CSPP1: variants seen among roughly 807,000 people sequenced by gnomAD.
CSPP1 encodes centrosome and spindle pole associated protein 1, also known as centrosome and spindle pole-associated protein 1.
A neutral mutation model predicts 164.4 loss-of-function variants in CSPP1; 126 were observed. The ratio of observed to expected loss-of-function variants is 0.77; its 90% CI spans 0.66 to 0.89. CSPP1 has a LOEUF of 0.89. Among genes scored for constraint, CSPP1 ranks in the 40% least tolerant of loss-of-function variants. The pLI, the probability that CSPP1 is intolerant of heterozygous loss-of-function variation, is 0.00. For missense variants in CSPP1, 1,395 were observed against 1,449.8 expected, an observed-to-expected ratio of 0.96 and a Z score of 0.61; for synonymous variants, 472 against 476.7, an observed-to-expected ratio of 0.99 and a Z score of 0.13.
intron 1 of CSPP1, among the ~76,000 whole-genome samples, chr8:67,071,431 CTGT>C (rs967845082): frequency 1.1e-4 from 17 of 151,336 alleles, no homozygotes; most frequent in African/African-American, 4.1e-4. Flanking sequence ...TGAACATTGG[CTGT>C]TGTTTAGTTC....
At chr8:67,114,058 C>T (rs1817437844) in intron 11 of CSPP1, 196 bp downstream of exon 11, 2 of 425,908 alleles carry the variant, frequency 4.7e-6, no homozygotes, top group African/African-American at 4.1e-5. Context: ...TTTCCTTTTT[C>T]ATTTGTGTGT....
At chr8:67,131,519 C>T (rs914359828) in intron 15 of CSPP1, among the ~76,000 whole-genome samples, 1 of 152,040 alleles carries the variant, frequency 6.6e-6, no homozygotes, top group African/African-American at 2.4e-5. Context: ...CAGACTTTTT[C>T]CTGTAATTAC....
intron 4 of CSPP1, among the ~76,000 whole-genome samples, chr8:67,088,478 C>T (rs1342870606): frequency 6.6e-6 from 1 of 151,478 alleles, no homozygotes; most frequent in Non-Finnish European, 1.5e-5. Context: ...TTAGTAGAGA[C>T]GGGGTTTCAC....
chr8:67,149,557 C>T (rs1825284185), intron 17 of CSPP1, among the ~76,000 whole-genome samples: 1 of 152,036 alleles, frequency 6.6e-6, no homozygotes, highest in African/African-American at 2.4e-5. Context: ...ATTTATGTGT[C>T]CTTAATTTAT....
intron 16 of CSPP1, among the ~76,000 whole-genome samples, chr8:67,136,282 A>G (rs577483936): frequency 1.3e-4 from 20 of 152,232 alleles, no homozygotes; most frequent in African/African-American, 4.8e-4. Context: ...AAAAAATGCA[A>G]TATCTGTGGC....
chr8:67,119,318 T>G (rs1818542239), intron 15 of CSPP1, among the ~76,000 whole-genome samples: 1 of 152,220 alleles, frequency 6.6e-6, no homozygotes, highest in Non-Finnish European at 1.5e-5. Context: ...CTTCCACATT[T>G]TGGCTATTTG....
Position 67,184,742 on chromosome 8 carries a change from A to T in CSPP1, c.3220+4816A>T, listed in dbSNP as rs964286928. On this transcript the variant is annotated intron_variant, in intron 28 of 30. Coordinates refer to ENST00000678616, the MANE Select transcript of CSPP1 (RefSeq NM_001382391.1). ...CTGTCTAAAAAAATAATAATAAAAA[A>T]ATATAATAATAATAATAATAATAAT... Among the ~76,000 whole-genome samples, 252 of 140,014 alleles carry T rather than the reference A, an allele frequency of 1.8e-3. 3 individuals are homozygous for T. Among genetic ancestry groups the T allele is most frequent in the African/African-American group, 6.8e-3 (244 of 35,814 alleles). 91.9% of individuals were successfully genotyped at this position (140,014 alleles called of 152,430 possible).
rs973767249 is a variant in CSPP1, at chr8:67,064,459, C to T, written c.-90C>T. ...TTCGGTCCGCGACGATCCTCTAGAG[C>T]ACTGTGTGTCTCCCCGGACGCGAGC... On this transcript the variant is annotated 5_prime_UTR_variant, in exon 1 of 31. Transcript: ENST00000678616. 5 of 1,613,980 alleles carry T rather than the reference C, an allele frequency of 3.1e-6. No homozygotes were observed. The highest frequency in any genetic ancestry group is 3.3e-4 in the Middle Eastern group (2 of 6,062).
At chr8:67,188,792 TTGTTCC>T (rs1835392394) in intron 28 of CSPP1, among the ~76,000 whole-genome samples, 1 of 152,198 alleles carries the variant, frequency 6.6e-6, no homozygotes, top group African/African-American at 2.4e-5. Flanking sequence ...AGGCTTGCCA[TTGTTCC>T]TGCACGGCTA....
chr8:67,142,728 G>T (rs1358511040), intron 17 of CSPP1, among the ~76,000 whole-genome samples: 5 of 152,172 alleles, frequency 3.3e-5, no homozygotes, highest in Non-Finnish European at 7.4e-5. Flanking sequence ...AACTTTGTAA[G>T]AAACTGCCAG....
intron 5 of CSPP1, among the ~76,000 whole-genome samples, chr8:67,092,824 A>G (rs1321781682): frequency 1.3e-5 from 2 of 152,330 alleles, no homozygotes; most frequent in South Asian, 2.1e-4. Flanking sequence ...TTTTTTAATC[A>G]TATATTTATG....
At position 67,115,917 on chromosome 8, in the gene CSPP1, G is replaced by A. The variant is rs773019719; in HGVS notation, c.1291G>A (p.Asp431Asn). The A allele has an allele frequency of 6.2e-6, 10 of 1,611,840 alleles. No individual in the cohort carries two copies. The highest frequency in any genetic ancestry group is 8.5e-6 in the Non-Finnish European group (10 of 1,178,202). The change falls in exon 13 of 31, where the codon GAT becomes AAT. Residue 431 changes from aspartate to asparagine, a missense_variant. By Grantham distance (23) the Asp-to-Asn change is conservative. Transcript: ENST00000678616. ...TSLQLSKEEP[D>N]RLKQFSVAPR... is the part of the protein sequence containing the mutation. The stretch of plus-strand genomic sequence containing the variant: ...AGATTTTTTTTCTTTATTTTAGCCT[G>A]ATAGACTAAAGCAGTTTAGTGTGGC...
chr8:67,162,160 G>A (rs746600086), intron 22 of CSPP1, among the ~76,000 whole-genome samples: 3 of 152,274 alleles, frequency 2.0e-5, no homozygotes, highest in Middle Eastern at 3.4e-3. Context: ...TGCTCATTGA[G>A]TCTGTTATAC....
chr8:67,164,799 A>C (rs984870163), intron 24 of CSPP1, among the ~76,000 whole-genome samples: 3 of 152,206 alleles, frequency 2.0e-5, no homozygotes, highest in African/African-American at 7.2e-5. Flanking sequence ...TTTTCAACAA[A>C]ATCACGTACG....
rs1326846038 is a variant in CSPP1 at position 67,159,846 on chromosome 8, CTT to C, written c.2538+711_2538+712del. On this transcript the variant is annotated intron_variant, in intron 21 of 30. Transcript: ENST00000678616. ...CTTCTCTCTCTTTCTTTCTTTCTTT[CTT>C]TCTTTTTCTTTCTTTCTTTCTTTCT... 5.0e-5 allele frequency among the ~76,000 whole-genome samples: 6 copies of C among 121,096 alleles called. 1 individual carries two copies. The highest frequency in any genetic ancestry group is 1.6e-4 in the African/African-American group (4 of 24,576). 79.4% of individuals were successfully genotyped at this position (121,096 alleles called of 152,430 possible).
intron 3 of CSPP1, among the ~76,000 whole-genome samples, chr8:67,080,120 A>T (rs1219866015): frequency 6.6e-6 from 1 of 152,214 alleles, no homozygotes; most frequent in Admixed American, 6.5e-5. Flanking sequence ...ATAGTTTCTC[A>T]CACTGGGAAA....
rs1830657246 is a variant in CSPP1, at chr8:67,172,413, T to C, written c.2829-3T>C. ...CATATTATGATTTGTCATTTATCTA[T>C]AGGAAAAAGGAAAGGAATCCCATGG... On this transcript the variant is annotated splice_polypyrimidine_tract_variant and splice_region_variant and intron_variant, in intron 24 of 30. Transcript: ENST00000678616. The C allele has an allele frequency of 1.9e-6, 3 of 1,608,864 alleles. No individual in the cohort carries two copies. Among genetic ancestry groups the C allele is most frequent in the African/African-American group, 2.7e-5 (2 of 74,886 alleles).
chr8:67,111,056 A>T (rs1167515649), intron 9 of CSPP1, among the ~76,000 whole-genome samples: 2 of 152,210 alleles, frequency 1.3e-5, no homozygotes, highest in African/African-American at 4.8e-5. Context: ...ACAAACTGAG[A>T]TGCTGTGTGC....
intron 15 of CSPP1, among the ~76,000 whole-genome samples, chr8:67,124,865 A>C (rs1035878763): frequency 6.6e-6 from 1 of 151,926 alleles, no homozygotes; most frequent in Non-Finnish European, 1.5e-5. Context: ...TTTTTTGTAG[A>C]GACAGGCGTC....
Sources: gnomAD v4.1 joint callset for allele counts (sites outside exome capture counted in the v4.1 genomes callset) on GRCh38, gnomAD v4.1.1 for gene constraint, MANE v1.5 for transcripts, NCBI Gene and HGNC (gene_info 2026-07-23, HGNC 2026-07-21) for gene names.